DMD: variants seen among roughly 807,000 people sequenced by gnomAD.
The protein encoded by DMD is dystrophin.
Under a neutral mutation model 330.1 loss-of-function variants are expected in DMD, and 63 were observed. The observed-to-expected ratio is 0.19, with a 90% CI of 0.16 to 0.24. DMD has a LOEUF of 0.24. Among genes scored for constraint, DMD ranks in the 10% least tolerant of loss-of-function variants. DMD has a pLI of 1.00. For synonymous variants in DMD, 1,223 were observed against 959.8 expected (o/e 1.27, Z -5.07); for missense variants, 3,344 against 2,684.1 (o/e 1.25, Z -5.43).
intron 2 of DMD, among the ~76,000 whole-genome samples, chrX:32,925,919 G>A (rs968397656): frequency 8.9e-6 from 1 of 111,833 alleles, no homozygotes; most frequent in South Asian, 3.7e-4. Context: ...TTTAAATTGA[G>A]TATGGATCCA....
chrX:32,237,401 C>T (rs893892031), intron 43 of DMD, among the ~76,000 whole-genome samples: 1 of 110,310 alleles, frequency 9.1e-6, no homozygotes, highest in Non-Finnish European at 1.9e-5. Context: ...CTATTTTCTT[C>T]TCCAATCTGT....
rs182862635 is a variant in DMD, at chrX:32,819,346, T to A, written c.358-2706A>T. Among the ~76,000 whole-genome samples, 16 of 110,699 alleles carry A rather than the reference T, an allele frequency of 1.4e-4. No homozygotes were observed. The East Asian group carries it at 4.3e-3, about 30-fold the overall frequency. On this transcript the variant is annotated intron_variant, in intron 5 of 78. Transcript: ENST00000357033. The stretch of plus-strand genomic sequence containing the variant: ...TGAATTAGCGTTGCCATTAAGTACA[T>A]CCCTTGAATTGTCCAGTAAAAGTAT...
intron 2 of DMD, among the ~76,000 whole-genome samples, chrX:32,997,151 C>T (rs2093142568): frequency 9.0e-6 from 1 of 111,159 alleles, no homozygotes; most frequent in Non-Finnish European, 1.9e-5. Flanking sequence ...CCTCACTCCC[C>T]TGCCACAATC....
In DMD at chrX:32,708,841, G is replaced by A. The variant is rs766338684; in HGVS notation, c.650-9548C>T. Among the ~76,000 whole-genome samples the A allele has an allele frequency of 6.3e-5, 7 of 111,406 alleles. No homozygotes were observed. The Admixed American group carries it at 6.7e-4, about 11-fold the overall frequency. On this transcript the variant is annotated intron_variant, in intron 7 of 78. Coordinates refer to ENST00000357033, the MANE Select transcript of DMD (RefSeq NM_004006.3). ...ATGTCATACGCAACATCAGAATAAG[G>A]GGTTCAGTGTTGAGCAAAACACCAT... is the stretch of plus-strand genomic sequence containing the variant.
intron 60 of DMD, among the ~76,000 whole-genome samples, chrX:31,417,517 A>G (rs375059126): frequency 2.4e-4 from 27 of 110,333 alleles, no homozygotes; most frequent in African/African-American, 8.5e-4. Context: ...CACCAAGCCT[A>G]TAATTTCTAA....
intron 37 of DMD, among the ~76,000 whole-genome samples, 181 bp from the exon 38 acceptor site, chrX:32,348,709 G>A (rs1305326014): frequency 9.0e-6 from 1 of 111,508 alleles, no homozygotes. Context: ...TGCAAATAAG[G>A]AGAAACATTT....
At chrX:33,023,283 CAA>C (rs1408858158) in intron 1 of DMD, among the ~76,000 whole-genome samples, 34 of 111,912 alleles carry the variant, frequency 3.0e-4, no homozygotes, top group African/African-American at 1.0e-3. Context: ...GACTAAATCA[CAA>C]TAAACATGCT....
chrX:31,504,647 T>C (rs1262776165), intron 56 of DMD, among the ~76,000 whole-genome samples: 2 of 111,903 alleles, frequency 1.8e-5, no homozygotes, highest in Non-Finnish European at 3.8e-5. Flanking sequence ...TCCAGTGTTA[T>C]TCTATTCTAT....
intron 57 of DMD, among the ~76,000 whole-genome samples, chrX:31,495,578 G>A (rs1027035372): frequency 8.9e-6 from 1 of 111,866 alleles, no homozygotes; most frequent in Non-Finnish European, 1.9e-5. Context: ...CATCGTTGGA[G>A]GATGCTAGTG....
chrX:32,246,739 G>A (rs371967964), intron 43 of DMD, among the ~76,000 whole-genome samples: 2 of 107,944 alleles, frequency 1.9e-5, no homozygotes, highest in East Asian at 2.9e-4. Context: ...AGATTTTCTA[G>A]TTTATTTGTG....
intron 48 of DMD, among the ~76,000 whole-genome samples, chrX:31,866,056 C>T (rs749673346): frequency 9.0e-6 from 1 of 111,254 alleles, no homozygotes; most frequent in African/African-American, 3.3e-5. Context: ...TGGCCTCTTC[C>T]GAAAACATAA....
At chrX:31,436,973 G>A (rs2064576359) in intron 60 of DMD, among the ~76,000 whole-genome samples, 1 of 111,077 alleles carries the variant, frequency 9.0e-6, no homozygotes, top group African/African-American at 3.3e-5. Flanking sequence ...TGGCCAGTGG[G>A]CACATCAGAC....
chrX:32,448,426 C>A, intron 27 of DMD, 30 bp downstream of exon 27: 2 of 1,200,492 alleles, frequency 1.7e-6, no homozygotes. Context: ...ATTGACATAT[C>A]ATTGACAAAG....
At chrX:32,821,384 A>G (rs1482316155) in intron 5 of DMD, among the ~76,000 whole-genome samples, 1 of 109,864 alleles carries the variant, frequency 9.1e-6, no homozygotes, top group Admixed American at 9.8e-5. Flanking sequence ...GGAGATCGAG[A>G]CCATCCTGGC....
At chrX:32,472,672 A>G (rs1045534204) in intron 21 of DMD, among the ~76,000 whole-genome samples, 20 of 111,187 alleles carry the variant, frequency 1.8e-4, no homozygotes, top group East Asian at 5.7e-4. Flanking sequence ...GCAGGGTCCA[A>G]TTGTATCTGA....
At chrX:31,747,026 T>C (rs1160324142) in intron 51 of DMD, among the ~76,000 whole-genome samples, 3 of 111,668 alleles carry the variant, frequency 2.7e-5, no homozygotes, top group Non-Finnish European at 3.8e-5. Flanking sequence ...TCAGAACTTA[T>C]ATGACTGGGA....
intron 50 of DMD, among the ~76,000 whole-genome samples, chrX:31,801,963 C>A (rs2092088063): frequency 9.0e-6 from 1 of 110,719 alleles, no homozygotes; most frequent in Admixed American, 9.6e-5. Flanking sequence ...GGTATGAGGT[C>A]AAAAATTCAA....
chrX:31,903,335 G>A (rs2094444849), intron 47 of DMD, among the ~76,000 whole-genome samples: 1 of 111,471 alleles, frequency 9.0e-6, no homozygotes, highest in African/African-American at 3.3e-5. Flanking sequence ...CCACATTGGA[G>A]AGCACTGATC....
intron 52 of DMD, among the ~76,000 whole-genome samples, chrX:31,695,313 G>A (rs769488471): frequency 1.8e-5 from 2 of 110,476 alleles, no homozygotes; most frequent in South Asian, 7.6e-4. Context: ...GATTGTTAGC[G>A]GCTACAAAAA....
Sources: allele counts gnomAD v4.1 joint callset (sites outside exome capture counted in the v4.1 genomes callset), GRCh38; gene constraint gnomAD v4.1.1; transcripts MANE v1.5; gene names NCBI Gene and HGNC (gene_info 2026-07-23, HGNC 2026-07-21).